The following GUCY2F variants were observed in gnomAD, a reference collection of about 807,000 sequenced individuals.
GUCY2F encodes guanylate cyclase 2F, retinal.
A neutral mutation model predicts 73.1 loss-of-function variants in GUCY2F; 61 were observed. The observed-to-expected ratio is 0.83, with a 90% CI of 0.68 to 1.03. GUCY2F has a LOEUF of 1.03. Ranked by LOEUF, GUCY2F falls within the 50% of genes least tolerant of loss-of-function variation. The pLI, the probability that GUCY2F is intolerant of heterozygous loss-of-function variation, is 0.00. For missense variants in GUCY2F, 912 were observed against 854.3 expected, an observed-to-expected ratio of 1.07 and a Z score of -0.84; for synonymous variants, 331 against 307.8, an observed-to-expected ratio of 1.08 and a Z score of -0.79.
intron 1 of GUCY2F, among the ~76,000 whole-genome samples, chrX:109,478,865 T>C (rs989960930): frequency 5.3e-5 from 6 of 112,341 alleles, no homozygotes; most frequent in African/African-American, 1.6e-4. Context: ...TAGATAGAAG[T>C]TCTGCAGATA....
intron 14 of GUCY2F, among the ~76,000 whole-genome samples, chrX:109,390,851 T>C (rs1483623187): frequency 1.8e-5 from 2 of 112,810 alleles, no homozygotes; most frequent in Non-Finnish European, 3.8e-5. Flanking sequence ...ACAGGTATGA[T>C]GTTTATTTCT....
Position 109,398,589 on chromosome X carries a change from G to T in GUCY2F, c.2235C>A (p.Val745=), listed in dbSNP as rs772215949. 3 of 1,209,086 alleles carry T rather than the reference G, an allele frequency of 2.5e-6. No individual in the cohort carries two copies. Among genetic ancestry groups the T allele is most frequent in the Non-Finnish European group, 3.4e-6 (3 of 893,373 alleles). Residue 745 remains valine (V), a synonymous_variant, in exon 11 of 20, where the codon GTC becomes GTA. Transcript: ENST00000218006. ...CCATCATGCAGAATGGGGTACCCCG[G>T]ACCATCACTTCTTGCATGATGATGG... ...SFAIIMQEVM[V]RGTPFCMMDL...
intron 1 of GUCY2F, among the ~76,000 whole-genome samples, chrX:109,477,593 A>G (rs965741273): frequency 8.9e-6 from 1 of 112,649 alleles, no homozygotes; most frequent in Non-Finnish European, 1.9e-5. Flanking sequence ...CAAAGGACAA[A>G]ACCCTGAGAC....
chrX:109,426,532 G>T (rs999266053), intron 8 of GUCY2F, among the ~76,000 whole-genome samples: 1 of 111,922 alleles, frequency 8.9e-6, no homozygotes, highest in African/African-American at 3.3e-5. Flanking sequence ...GGGACTACAG[G>T]CACCGGCCAC....
intron 3 of GUCY2F, among the ~76,000 whole-genome samples, chrX:109,459,908 A>G (rs966115036): frequency 5.4e-5 from 6 of 111,743 alleles, no homozygotes; most frequent in African/African-American, 1.9e-4. Context: ...AACGGATAAA[A>G]TAGAGAGCAG....
At chrX:109,384,721 G>A (rs758624285) in intron 16 of GUCY2F, among the ~76,000 whole-genome samples, 103 of 111,831 alleles carry the variant, frequency 9.2e-4, no homozygotes, top group African/African-American at 3.2e-3. Flanking sequence ...GTCCTAACTG[G>A]TTCAAAAAGG....
rs1355682960 is a variant in GUCY2F at position 109,434,045 on chromosome X, G to T, written c.1702-3649C>A. Among the ~76,000 whole-genome samples, 4 of 111,005 alleles carry T rather than the reference G, an allele frequency of 3.6e-5. No homozygotes were observed. The Admixed American group carries it at 3.9e-4, about 11-fold the overall frequency. ...AGGCGGCAGGGAGAGAGCTACAAGG[G>T]ATATAGAATGTGAGAAGACAGAAAA... On this transcript the variant is annotated intron_variant, in intron 7 of 19. Coordinates refer to ENST00000218006, the MANE Select transcript of GUCY2F (RefSeq NM_001522.3).
chrX:109,459,894 A>G (rs191956959), intron 3 of GUCY2F, among the ~76,000 whole-genome samples: 15 of 111,905 alleles, frequency 1.3e-4, no homozygotes, highest in African/African-American at 4.5e-4. Context: ...GGAACTGAGG[A>G]AAAAACGGAT....
At position 109,448,082 on chromosome X, in the gene GUCY2F, T is replaced by C. The variant is rs1463825387; in HGVS notation, c.1556A>G (p.His519Arg). ...TLEDVTFINP[H>R]FGSKRGSRAS... ...GATACTCCTTACCTTACTGCCAAAG[T>C]GGGGATTGATAAACGTTACATCCTC... Residue 519 changes from histidine (H) to arginine (R), a missense_variant, in exon 6 of 20, where the codon CAC becomes CGC. By Grantham distance (29) the His-to-Arg change is conservative. Transcript: ENST00000218006. The C allele has an allele frequency of 2.9e-6, 3 of 1,045,120 alleles. No individual in the cohort carries two copies. Among genetic ancestry groups the C allele is most frequent in the East Asian group, 3.0e-5 (1 of 32,934 alleles). 86.1% of individuals were successfully genotyped at this position (1,045,120 alleles called of 1,213,427 possible). A position where few individuals can be genotyped will look rare whatever the true frequency, so the allele number is the denominator to read the frequency against.
chrX:109,410,719 C>G (rs1186696722), intron 8 of GUCY2F, among the ~76,000 whole-genome samples: 3 of 112,084 alleles, frequency 2.7e-5, no homozygotes, highest in Non-Finnish European at 5.6e-5. Context: ...GCTGTAAGAG[C>G]TCAAATGTTA....
chrX:109,464,033 C>A (rs1932417523), intron 3 of GUCY2F, among the ~76,000 whole-genome samples: 1 of 112,573 alleles, frequency 8.9e-6, no homozygotes, highest in Non-Finnish European at 1.9e-5. Flanking sequence ...CAGCTGGAAG[C>A]AATATGACTA....
intron 3 of GUCY2F, among the ~76,000 whole-genome samples, chrX:109,463,596 C>A (rs1487654321): frequency 9.1e-6 from 1 of 110,205 alleles, no homozygotes; most frequent in Non-Finnish European, 1.9e-5. Context: ...CGCCACCACG[C>A]CCGGCTAACT....
intron 9 of GUCY2F, among the ~76,000 whole-genome samples, chrX:109,406,706 T>C (rs1200807969): frequency 9.0e-6 from 1 of 111,204 alleles, no homozygotes; most frequent in African/African-American, 3.3e-5. Flanking sequence ...GGGGATGTAA[T>C]TGAATCATGG....
intron 2 of GUCY2F, among the ~76,000 whole-genome samples, chrX:109,469,011 A>T (rs1932524015): frequency 8.9e-6 from 1 of 111,913 alleles, no homozygotes; most frequent in African/African-American, 3.3e-5. Flanking sequence ...TTAAATCCTA[A>T]ACAAGGCCTG....
intron 2 of GUCY2F, among the ~76,000 whole-genome samples, chrX:109,469,483 G>A (rs2300114): frequency 0.13 from 14,060 of 109,419 alleles, 2,172 homozygotes; most frequent in African/African-American, 0.44. Context: ...GCTGCTAAAG[G>A]AGTCCTTAGG....
Position 109,475,978 on chromosome X carries a change from A to T in GUCY2F, c.-42T>A, listed in dbSNP as rs1161110949. 8.9e-7 allele frequency: 1 copy of T among 1,128,763 alleles called. No homozygotes were observed. Among genetic ancestry groups the T allele is most frequent in the Non-Finnish European group, 1.2e-6 (1 of 847,514 alleles). The allele number at this position is 1,128,763 out of a possible 1,213,427, so 93.0% of individuals were successfully genotyped here. A position where few individuals can be genotyped will look rare whatever the true frequency, so the allele number is the denominator to read the frequency against. On this transcript the variant is annotated 5_prime_UTR_variant, in exon 2 of 20. Coordinates refer to ENST00000218006, the MANE Select transcript of GUCY2F (RefSeq NM_001522.3). ...GCAAGCTAATGACGAGATACTGGAG[A>T]GTTATTCTGCTTTCCCGACACAGAC... is the stretch of plus-strand genomic sequence containing the variant.
At chrX:109,401,640 G>T (rs888366157) in intron 10 of GUCY2F, among the ~76,000 whole-genome samples, 3 of 111,470 alleles carry the variant, frequency 2.7e-5, no homozygotes, top group Non-Finnish European at 3.8e-5. Flanking sequence ...TAGTTTGGGT[G>T]GGGGGAGACA....
At chrX:109,376,292 A>G in intron 17 of GUCY2F, 125 bp from the exon 18 acceptor site, 1 of 464,189 alleles carries the variant, frequency 2.2e-6, no homozygotes, top group Non-Finnish European at 3.8e-6. Context: ...TACGGGGCTG[A>G]GCCAGAGCAG....
intron 3 of GUCY2F, among the ~76,000 whole-genome samples, chrX:109,460,791 G>A (rs939889820): frequency 9.0e-6 from 1 of 111,488 alleles, no homozygotes; most frequent in African/African-American, 3.3e-5. Context: ...ATTGGAATAG[G>A]AAGACAGAGA....
Sources: allele counts gnomAD v4.1 joint callset (sites outside exome capture counted in the v4.1 genomes callset), GRCh38; gene constraint gnomAD v4.1.1; transcripts MANE v1.5; gene names NCBI Gene and HGNC (gene_info 2026-07-23, HGNC 2026-07-21).